Variants in CDH13 observed in about 807,000 individuals in gnomAD.
CDH13 encodes the protein cadherin 13.
CDH13 carries 24 observed loss-of-function variants against 63.8 expected under a neutral mutation model. The observed-to-expected ratio is 0.38, with a 90% CI of 0.27 to 0.53. The LOEUF (loss-of-function observed/expected upper bound fraction) is 0.53, where lower values mean the gene tolerates loss of function less well. Among genes scored for constraint, CDH13 ranks in the 20% least tolerant of loss-of-function variants. The pLI, the probability that CDH13 is intolerant of heterozygous loss-of-function variation, is 0.85. For missense variants in CDH13, 1,049 were observed against 903.1 expected, an observed-to-expected ratio of 1.16 and a Z score of -2.07; for synonymous variants, 503 against 355.3, an observed-to-expected ratio of 1.42 and a Z score of -4.67.
chr16:83,599,078 T>G (rs35464291), intron 7 of CDH13, among the ~76,000 whole-genome samples: 1 of 152,004 alleles, frequency 6.6e-6, no homozygotes, highest in Non-Finnish European at 1.5e-5. Context: ...GTACCTGTAC[T>G]GAGGGTGAGG....
chr16:83,154,173 A>G (rs1597430505), intron 4 of CDH13, among the ~76,000 whole-genome samples: 1 of 152,124 alleles, frequency 6.6e-6, no homozygotes, highest in African/African-American at 2.4e-5. Flanking sequence ...GTCGTTTGCC[A>G]TGACACGAGC....
chr16:83,035,973 C>T (rs1328756908), intron 3 of CDH13, among the ~76,000 whole-genome samples: 1 of 152,108 alleles, frequency 6.6e-6, no homozygotes, highest in Admixed American at 6.6e-5. Context: ...ATCCTCACAA[C>T]AGTATGCTAA....
At chr16:83,003,074 G>A (rs1241270780) in intron 2 of CDH13, among the ~76,000 whole-genome samples, 1 of 152,192 alleles carries the variant, frequency 6.6e-6, no homozygotes, top group African/African-American at 2.4e-5. Context: ...ACTAGAATAG[G>A]AATCTTAATT....
intron 2 of CDH13, among the ~76,000 whole-genome samples, chr16:82,866,261 C>T (rs747623424): frequency 6.6e-6 from 1 of 152,084 alleles, no homozygotes; most frequent in Non-Finnish European, 1.5e-5. Context: ...GTTCCAGCCC[C>T]TGCCTGTTAC....
chr16:82,784,298 T>G (rs557171265), intron 1 of CDH13, among the ~76,000 whole-genome samples: 32 of 152,290 alleles, frequency 2.1e-4, no homozygotes, highest in Admixed American at 5.2e-4. Context: ...TGCAGAAGTA[T>G]CACGGCGCAG....
chr16:82,897,348 GA>G, intron 2 of CDH13, among the ~76,000 whole-genome samples: 1 of 152,236 alleles, frequency 6.6e-6, no homozygotes, highest in South Asian at 2.1e-4. Context: ...CCACCACAGA[GA>G]TGTATAAGAA....
At chr16:83,611,042 G>A (rs1022726548) in intron 8 of CDH13, among the ~76,000 whole-genome samples, 3 of 152,100 alleles carry the variant, frequency 2.0e-5, no homozygotes, top group African/African-American at 7.2e-5. Flanking sequence ...GTATTTCTCT[G>A]GTGGCTGATG....
intron 4 of CDH13, among the ~76,000 whole-genome samples, chr16:83,147,715 C>T (rs781429568): frequency 2.6e-5 from 4 of 152,118 alleles, no homozygotes; most frequent in Non-Finnish European, 5.9e-5. Context: ...CGTTCCACCC[C>T]TAGGTTGCTA....
intron 3 of CDH13, among the ~76,000 whole-genome samples, chr16:83,058,925 G>A (rs756457897): frequency 1.1e-4 from 16 of 152,030 alleles, no homozygotes; most frequent in Non-Finnish European, 1.8e-4. Flanking sequence ...CTTCTTAACT[G>A]GTGGAACCTC....
At chr16:83,201,659 A>G (rs1055795495) in intron 4 of CDH13, among the ~76,000 whole-genome samples, 2 of 151,858 alleles carry the variant, frequency 1.3e-5, no homozygotes, top group Non-Finnish European at 2.9e-5. Flanking sequence ...GCACTTTGGG[A>G]GGCTGAGGCG....
intron 5 of CDH13, among the ~76,000 whole-genome samples, chr16:83,237,863 T>C (rs78969450): frequency 0.011 from 1,606 of 152,296 alleles, 35 homozygotes; most frequent in African/African-American, 0.036. Context: ...TAAACATTAT[T>C]TGTGTCTTTG....
intron 13 of CDH13, among the ~76,000 whole-genome samples, chr16:83,794,607 C>T (rs1226014460): frequency 3.3e-5 from 5 of 149,924 alleles, no homozygotes; most frequent in Admixed American, 3.3e-4. Flanking sequence ...TGCTCTGTGA[C>T]TTGTGATCCT....
chr16:82,944,506 G>A lies in CDH13; in HGVS notation c.157+86033G>A, dbSNP rs561779655. ...TGGATTGCTTCCCAGGGAACATTTGGCAATGTCTGGAGATAATTTTTTGTT... is the reference window on the plus strand; with the variant it reads ...TGGATTGCTTCCCAGGGAACATTTGACAATGTCTGGAGATAATTTTTTGTT... On this transcript the variant is annotated intron_variant, in intron 2 of 13. Transcript: ENST00000567109. Among the ~76,000 whole-genome samples the A allele has an allele frequency of 1.4e-4, 22 of 152,244 alleles. No homozygotes were observed. In the South Asian group the frequency reaches 4.4e-3, roughly 30 times the overall value.
At chr16:83,023,439 C>A (rs1269946955) in intron 2 of CDH13, among the ~76,000 whole-genome samples, 1 of 152,236 alleles carries the variant, frequency 6.6e-6, no homozygotes, top group South Asian at 2.1e-4. Flanking sequence ...TATTTCAAAT[C>A]CGTGAGAAAC....
intron 2 of CDH13, among the ~76,000 whole-genome samples, chr16:83,011,826 A>G (rs1914190136): frequency 6.6e-6 from 1 of 152,246 alleles, no homozygotes; most frequent in Admixed American, 6.5e-5. Flanking sequence ...TCAGCAGAAC[A>G]AAGGGTCTTG....
rs1038992953 is a variant in CDH13, at chr16:83,798,542, C to G, written c.*3512C>G. The G allele has an allele frequency of 1.3e-5, 2 of 152,184 alleles. No homozygotes were observed. Among genetic ancestry groups the G allele is most frequent in the Admixed American group, 1.3e-4 (2 of 15,286 alleles). The allele number at this position is 152,184 out of a possible 1,614,324, so 9.4% of individuals were successfully genotyped here. A position where few individuals can be genotyped will look rare whatever the true frequency, so the allele number is the denominator to read the frequency against. On this transcript the variant is annotated 3_prime_UTR_variant, in exon 14 of 14. Coordinates refer to ENST00000567109, the MANE Select transcript of CDH13 (RefSeq NM_001257.5). ...CTCACAGATAAAGAAGGCTGAGGCT[C>G]AGAAAAATTGAATGGCTTGCCCAAG...
chr16:83,136,357 G>A (rs2036284821), intron 4 of CDH13, among the ~76,000 whole-genome samples: 2 of 151,560 alleles, frequency 1.3e-5, no homozygotes, highest in South Asian at 2.1e-4. Context: ...GTAGTGGTGT[G>A]CGCCTGTAGT....
chr16:83,522,454 A>G (rs1010499360), intron 7 of CDH13, among the ~76,000 whole-genome samples: 1 of 152,184 alleles, frequency 6.6e-6, no homozygotes, highest in African/African-American at 2.4e-5. Context: ...AATCTTAATA[A>G]TTCAGTGGGT....
chr16:82,860,292 G>A (rs2039883812), intron 2 of CDH13, among the ~76,000 whole-genome samples: 2 of 148,156 alleles, frequency 1.3e-5, no homozygotes, highest in Non-Finnish European at 3.0e-5. Flanking sequence ...TTAATTCGCT[G>A]CTGAGAAGCT....
Sources: allele counts gnomAD v4.1 joint callset (sites outside exome capture counted in the v4.1 genomes callset), GRCh38; gene constraint gnomAD v4.1.1; transcripts MANE v1.5; gene names NCBI Gene and HGNC (gene_info 2026-07-23, HGNC 2026-07-21).